Variants in YLPM1 observed in about 807,000 individuals in gnomAD.
The protein encoded by YLPM1 is YLP motif containing 1.
A neutral mutation model predicts 230.0 loss-of-function variants in YLPM1; 99 were observed. The observed-to-expected ratio is 0.43, with a 90% CI of 0.37 to 0.51. YLPM1 has a LOEUF of 0.51. Ranked by LOEUF, YLPM1 falls within the 20% of genes least tolerant of loss-of-function variation. The pLI, the probability that YLPM1 is intolerant of heterozygous loss-of-function variation, is 0.00. For missense variants in YLPM1, 2,592 were observed against 2,707.7 expected (o/e 0.96, Z 0.95); for synonymous variants, 984 against 942.5 (o/e 1.04, Z -0.81).
chr14:74,810,548 A>C (rs1321483657), intron 9 of YLPM1, 128 bp downstream of exon 9: 1 of 951,844 alleles, frequency 1.1e-6, no homozygotes, highest in Non-Finnish European at 1.5e-6. Flanking sequence ...AGGGGGAAGA[A>C]CAATTCTGGA....
chr14:74,830,516 ATTGT>A (rs1408208243), intron 19 of YLPM1, among the ~76,000 whole-genome samples: 1 of 152,188 alleles, frequency 6.6e-6, no homozygotes, highest in Non-Finnish European at 1.5e-5. Context: ...TTGGTGTCCC[ATTGT>A]TTGGTTGTAC....
intron 1 of YLPM1, among the ~76,000 whole-genome samples, chr14:74,766,742 G>T (rs1302162087): frequency 2.7e-5 from 4 of 149,884 alleles, no homozygotes; most frequent in Non-Finnish European, 5.9e-5. Flanking sequence ...CTCTCAAAGT[G>T]CTGGGATTAT....
rs561094719 is a variant in YLPM1 at position 74,790,591 on chromosome 14, G to T, written c.2283-6989G>T. On this transcript the variant is annotated intron_variant, in intron 4 of 20. Transcript: ENST00000325680. ...AAGGTATTTATACCTAGTTTTAGGG[G>T]TTTTTTAAGAGATTTATAACACACT... is the stretch of plus-strand genomic sequence containing the variant. Among the ~76,000 whole-genome samples the T allele has an allele frequency of 4.1e-4, 62 of 152,112 alleles. 1 individual carries two copies. In the South Asian group the frequency reaches 4.1e-3, roughly 10 times the overall value.
Position 74,798,488 on chromosome 14 carries a change from G to C in YLPM1, c.3191G>C (p.Arg1064Thr). The C allele has an allele frequency of 6.2e-7, 1 of 1,614,002 alleles. No homozygotes were observed. Among genetic ancestry groups the C allele is most frequent in the Non-Finnish European group, 8.5e-7 (1 of 1,179,888 alleles). Reference protein sequence around the residue: ...QEDFRDKMMGRREDSREKMNR... With the variant: ...QEDFRDKMMGTREDSREKMNR... ...GACTTTCGGGATAAGATGATGGGTA[G>C]AAGAGAAGATAGTCGAGAGAAGATG... Residue 1064 changes from arginine to threonine, a missense_variant, in exon 5 of 21, where the codon AGA becomes ACA. This residue lies in a region of YLPM1 where 1,862 missense variants were observed against 1,819.8 expected (regional missense o/e 1.02). Transcript: ENST00000325680.
chr14:74,805,036 T>C (rs1191716659), intron 6 of YLPM1, among the ~76,000 whole-genome samples: 1 of 151,668 alleles, frequency 6.6e-6, no homozygotes, highest in African/African-American at 2.4e-5. Flanking sequence ...TTTTTTTTTT[T>C]TGAAATGGAG....
In YLPM1 at chr14:74,764,145, G is replaced by A; in HGVS notation, c.656G>A (p.Ser219Asn). ...SSSSSSQSYL[S>N]HSQSYLPSSQ... ...TCCTCTTCCTCGCAATCCTATTTGA[G>A]CCATTCCCAGTCCTACTTGCCCTCT... The change falls in exon 1 of 21, where the codon AGC becomes AAC. Residue 219 changes from serine (S) to asparagine (N), a missense_variant. Transcript: ENST00000325680. 1.2e-6 allele frequency: 2 copies of A among 1,613,070 alleles called. No homozygotes were observed. The highest frequency in any genetic ancestry group is 1.7e-6 in the Non-Finnish European group (2 of 1,179,732).
At chr14:74,802,217 CAA>C (rs34503917) in intron 5 of YLPM1, among the ~76,000 whole-genome samples, 135 of 95,010 alleles carry the variant, frequency 1.4e-3, no homozygotes, top group East Asian at 0.01. Flanking sequence ...GACTCTGTCT[CAA>C]AAAAAAAAAA....
intron 4 of YLPM1, among the ~76,000 whole-genome samples, chr14:74,796,675 G>A (rs2091264068): frequency 6.6e-6 from 1 of 151,876 alleles, no homozygotes; most frequent in East Asian, 1.9e-4. Flanking sequence ...GGATGAGCAA[G>A]TGGGTTTATA....
At chr14:74,819,389 C>T (rs768963961) in intron 16 of YLPM1, among the ~76,000 whole-genome samples, 1 of 151,784 alleles carries the variant, frequency 6.6e-6, no homozygotes, top group Non-Finnish European at 1.5e-5. Context: ...ATTCTCCTGC[C>T]TCAGCCTCCT....
intron 8 of YLPM1, 103 bp downstream of exon 8, chr14:74,810,105 A>G: frequency 2.1e-6 from 3 of 1,457,304 alleles, no homozygotes; most frequent in East Asian, 2.4e-5. Flanking sequence ...TAATACAGCT[A>G]AAAGATTCTT....
intron 17 of YLPM1, among the ~76,000 whole-genome samples, chr14:74,823,757 AT>A (rs1176365172): frequency 6.6e-6 from 1 of 152,082 alleles, no homozygotes; most frequent in African/African-American, 2.4e-5. Flanking sequence ...AGTGCCACCA[AT>A]TCTTTTCCTT....
At chr14:74,769,702 C>T (rs1051226283) in intron 1 of YLPM1, among the ~76,000 whole-genome samples, 3 of 150,848 alleles carry the variant, frequency 2.0e-5, no homozygotes, top group Admixed American at 6.6e-5. Flanking sequence ...GGATTACAGG[C>T]GTAAGCTGCC....
chr14:74,778,350 C>A, intron 1 of YLPM1, 97 bp from the exon 2 acceptor site: 1 of 1,045,888 alleles, frequency 9.6e-7, no homozygotes, highest in Non-Finnish European at 1.4e-6. Context: ...TACATATAGA[C>A]ACATGAACAC....
chr14:74,814,972 G>A (rs2091465182), intron 11 of YLPM1, among the ~76,000 whole-genome samples: 1 of 152,136 alleles, frequency 6.6e-6, no homozygotes, highest in African/African-American at 2.4e-5. Flanking sequence ...CCAGGAATTT[G>A]TCTGTTTCAC....
chr14:74,786,224 T>C (rs189825299), intron 4 of YLPM1, among the ~76,000 whole-genome samples: 36 of 151,982 alleles, frequency 2.4e-4, no homozygotes, highest in Non-Finnish European at 4.6e-4. Flanking sequence ...TTAGCTGGCA[T>C]GGTAACATGC....
chr14:74,829,705 A>G (rs1395327084), intron 19 of YLPM1, among the ~76,000 whole-genome samples: 1 of 152,160 alleles, frequency 6.6e-6, no homozygotes, highest in Non-Finnish European at 1.5e-5. Context: ...CCAAAGGTAG[A>G]TCAAGGGTGA....
chr14:74,810,774 G>C (rs991303788), intron 9 of YLPM1, among the ~76,000 whole-genome samples: 1 of 151,956 alleles, frequency 6.6e-6, no homozygotes, highest in Non-Finnish European at 1.5e-5. Context: ...AGCCAGCCAA[G>C]GAAAAGGGAA....
rs187870945 is a variant in YLPM1, at chr14:74,799,746, A to G, written c.4400+49A>G. The G allele has an allele frequency of 2.5e-4, 374 of 1,511,630 alleles. 3 individuals are homozygous for G. The East Asian group carries it at 7.9e-3, about 32-fold the overall frequency. 93.6% of individuals were successfully genotyped at this position (1,511,630 alleles called of 1,614,324 possible). A position where few individuals can be genotyped will look rare whatever the true frequency, so the allele number is the denominator to read the frequency against. ...TTCTTTTAATAAAAACCACATTCAG[A>G]CTGCTCTTTTTAAAGTGATATGATA... On this transcript the variant is annotated intron_variant, in intron 5 of 20. Transcript: ENST00000325680.
At chr14:74,766,505 C>T (rs142474533) in intron 1 of YLPM1, among the ~76,000 whole-genome samples, 107 of 152,202 alleles carry the variant, frequency 7.0e-4, no homozygotes, top group African/African-American at 2.5e-3. Context: ...TATATTGAGA[C>T]AGGGTCTTGC....
Sources: allele counts gnomAD v4.1 joint callset (sites outside exome capture counted in the v4.1 genomes callset), GRCh38; gene constraint gnomAD v4.1.1; regional missense constraint gnomAD v4.1.1; transcripts MANE v1.5; gene names NCBI Gene and HGNC (gene_info 2026-07-23, HGNC 2026-07-21).